Variants in TCF7L2 observed in about 807,000 individuals in gnomAD.
TCF7L2 encodes the protein transcription factor 7 like 2.
TCF7L2 carries 23 observed loss-of-function variants against 77.9 expected under a neutral mutation model. The ratio of observed to expected loss-of-function variants is 0.30; its 90% CI spans 0.21 to 0.42. TCF7L2 has a LOEUF of 0.42. TCF7L2 is among the 10% of genes least tolerant of loss of function. TCF7L2 has a pLI of 1.00. For synonymous variants in TCF7L2, 413 were observed against 340.2 expected (o/e 1.21, Z -2.36); for missense variants, 654 against 793.1 (o/e 0.82, Z 2.11).
intron 4 of TCF7L2, among the ~76,000 whole-genome samples, chr10:113,037,849 C>T (rs941912984): frequency 5.3e-5 from 8 of 152,116 alleles, no homozygotes; most frequent in African/African-American, 1.2e-4. Context: ...TTTTTGTTCA[C>T]GGGTTTTTAT....
chr10:112,950,517 G>C lies in TCF7L2; in HGVS notation c.-240G>C. The C allele has an allele frequency of 2.4e-6, 1 of 418,306 alleles. No homozygotes were observed. The highest frequency in any genetic ancestry group is 4.1e-5 in the South Asian group (1 of 24,518). The allele number at this position is 418,306 out of a possible 1,614,324, so 25.9% of individuals were successfully genotyped here. On this transcript the variant is annotated 5_prime_UTR_variant, in exon 1 of 14. Transcript: ENST00000627217. ...GCACATTGATCGGATCCTTGGGAAC[G>C]AGAGAAAAAAGAAACCCAAACTCAC... is the stretch of plus-strand genomic sequence containing the variant.
chr10:113,035,386 T>C (rs1009016669), intron 4 of TCF7L2, among the ~76,000 whole-genome samples: 3 of 152,218 alleles, frequency 2.0e-5, no homozygotes, highest in Admixed American at 6.5e-5. Flanking sequence ...CTATGGCCCA[T>C]AGACCAAAAT....
intron 4 of TCF7L2, among the ~76,000 whole-genome samples, chr10:112,979,266 T>C (rs1301482333): frequency 6.6e-6 from 1 of 151,296 alleles, no homozygotes; most frequent in East Asian, 1.9e-4. Context: ...ATCTAATGAT[T>C]GGAAGTGCTG....
chr10:113,054,766 T>G (rs143060358), intron 5 of TCF7L2, among the ~76,000 whole-genome samples: 1 of 152,216 alleles, frequency 6.6e-6, no homozygotes, highest in Admixed American at 6.5e-5. Context: ...ACGTATGTAT[T>G]ATAAATAATC....
intron 5 of TCF7L2, among the ~76,000 whole-genome samples, chr10:113,076,296 C>G (rs766152382): frequency 6.6e-6 from 1 of 152,108 alleles, no homozygotes; most frequent in Non-Finnish European, 1.5e-5. Context: ...AATTACCATG[C>G]CTGGCTAACT....
At chr10:113,128,074 G>T (rs943253212) in intron 5 of TCF7L2, among the ~76,000 whole-genome samples, 1 of 152,020 alleles carries the variant, frequency 6.6e-6, no homozygotes, top group Non-Finnish European at 1.5e-5. Flanking sequence ...GTGGTGGTCC[G>T]CGTGAATAGA....
chr10:113,008,236 G>A (rs1450517546), intron 4 of TCF7L2, among the ~76,000 whole-genome samples: 1 of 152,136 alleles, frequency 6.6e-6, no homozygotes, highest in Non-Finnish European at 1.5e-5. Context: ...TTTGGCATAC[G>A]ATTCAACTCT....
intron 5 of TCF7L2, among the ~76,000 whole-genome samples, chr10:113,138,913 A>G (rs907200402): frequency 2.0e-5 from 3 of 152,144 alleles, no homozygotes; most frequent in Admixed American, 1.3e-4. Flanking sequence ...AGTGAAAAGC[A>G]TCCCGGGAGA....
chr10:112,989,999 A>G (rs1024759968), intron 4 of TCF7L2, among the ~76,000 whole-genome samples: 2 of 152,106 alleles, frequency 1.3e-5, no homozygotes, highest in African/African-American at 2.4e-5. Context: ...GTTGGCTTTG[A>G]TGCCCCAGGA....
intron 3 of TCF7L2, 98 bp from the exon 4 acceptor site, chr10:112,964,458 A>C: frequency 9.3e-7 from 1 of 1,077,350 alleles, no homozygotes; most frequent in Non-Finnish European, 1.4e-6. Context: ...GCTGCAGTTC[A>C]ATCTAGGAAG....
intron 4 of TCF7L2, among the ~76,000 whole-genome samples, chr10:113,028,400 A>C (rs2049595893): frequency 6.6e-6 from 1 of 151,826 alleles, no homozygotes; most frequent in Non-Finnish European, 1.5e-5. Context: ...AAGCAAAATT[A>C]ACCAGAGGCA....
At position 113,165,690 on chromosome 10, in the gene TCF7L2, A is replaced by G. The variant is rs2137650192; in HGVS notation, c.1527A>G (p.Ser509=). Reference sequence around the variant, plus strand: ...GCTCCCCTCCCCGAGACGCCAAGTCACAGACTGAGCAGACCCAGCCTCTGT... The same window carrying G: ...GCTCCCCTCCCCGAGACGCCAAGTCGCAGACTGAGCAGACCCAGCCTCTGT... The change falls in exon 14 of 14, where the codon TCA becomes TCG. Residue 509 remains serine, a synonymous_variant. Transcript: ENST00000627217. The G allele has an allele frequency of 6.3e-7, 1 of 1,594,662 alleles. No homozygotes were observed. Among genetic ancestry groups the G allele is most frequent in the Non-Finnish European group, 8.5e-7 (1 of 1,175,690 alleles).
chr10:113,055,382 G>A (rs1031126790), intron 5 of TCF7L2, among the ~76,000 whole-genome samples: 33 of 152,122 alleles, frequency 2.2e-4, no homozygotes, highest in African/African-American at 7.7e-4. Flanking sequence ...TGAACATCTG[G>A]TCATATGTTT....
intron 5 of TCF7L2, among the ~76,000 whole-genome samples, chr10:113,119,540 C>A (rs1205793580): frequency 6.6e-6 from 1 of 152,100 alleles, no homozygotes; most frequent in African/African-American, 2.4e-5. Context: ...AATAAAGAAA[C>A]CATGTTGGCA....
intron 5 of TCF7L2, among the ~76,000 whole-genome samples, chr10:113,095,559 G>T (rs553134762): frequency 6.6e-6 from 1 of 152,234 alleles, no homozygotes; most frequent in African/African-American, 2.4e-5. Context: ...CATATTCCCA[G>T]TGTAGAGGGA....
intron 4 of TCF7L2, among the ~76,000 whole-genome samples, chr10:112,968,630 G>C (rs2037538816): frequency 6.6e-6 from 1 of 152,088 alleles, no homozygotes; most frequent in African/African-American, 2.4e-5. Flanking sequence ...CCAGGCTGGA[G>C]TGCAGTGGCG....
intron 6 of TCF7L2, among the ~76,000 whole-genome samples, chr10:113,142,412 C>G (rs1175701009): frequency 6.6e-6 from 1 of 152,366 alleles, no homozygotes; most frequent in East Asian, 1.9e-4. Context: ...GCAGCCCCAG[C>G]AGCCTGGTGG....
intron 4 of TCF7L2, among the ~76,000 whole-genome samples, chr10:113,025,380 A>C (rs2133953756): frequency 6.6e-6 from 1 of 152,086 alleles, no homozygotes; most frequent in East Asian, 1.9e-4. Flanking sequence ...CTGGGATTAT[A>C]GGCGTGTGCC....
chr10:113,043,400 A>C (rs930059827), intron 5 of TCF7L2, among the ~76,000 whole-genome samples: 4 of 152,222 alleles, frequency 2.6e-5, no homozygotes, highest in African/African-American at 9.6e-5. Context: ...TACATTAAGA[A>C]TAGACTCCAC....
Sources: gnomAD v4.1 joint callset for allele counts (sites outside exome capture counted in the v4.1 genomes callset) on GRCh38, gnomAD v4.1.1 for gene constraint, MANE v1.5 for transcripts, NCBI Gene and HGNC (gene_info 2026-07-23, HGNC 2026-07-21) for gene names.